Variants in UBXN7 observed in about 807,000 individuals in gnomAD.
UBXN7 encodes UBX domain protein 7.
A neutral mutation model predicts 58.0 loss-of-function variants in UBXN7; 9 were observed. The ratio of observed to expected loss-of-function variants is 0.16; its 90% CI spans 0.09 to 0.27. UBXN7 has a LOEUF of 0.27. Among genes scored for constraint, UBXN7 ranks in the 10% least tolerant of loss-of-function variants. The probability of loss-of-function intolerance (pLI) is 1.00; values close to 1 mark genes in which losing one functional copy is unlikely to be tolerated. For synonymous variants in UBXN7, 208 were observed against 205.0 expected (o/e 1.01, Z -0.12); for missense variants, 328 against 599.6 (o/e 0.55, Z 4.73).
At chr3:196,374,740 C>G (rs1025167762) in intron 5 of UBXN7, among the ~76,000 whole-genome samples, 7 of 148,614 alleles carry the variant, frequency 4.7e-5, no homozygotes, top group Non-Finnish European at 7.4e-5. Context: ...ATTAGCCAGG[C>G]ATGGTGGTGG....
Position 196,356,829 on chromosome 3 carries a change from C to T in UBXN7, c.1326G>A (p.Val442=). Residue 442 remains valine, a synonymous_variant, in exon 11 of 11, where the codon GTG becomes GTA. Transcript: ENST00000296328. The part of the protein sequence containing the change: ...QAKLLALVKH[V]QSKGYPNERF... ...GTTCATTTGGGTATCCTTTAGACTG[C>T]ACGTGCTTCACCAAAGCCTATAAAA... 1 of 1,608,568 alleles carries T rather than the reference C, an allele frequency of 6.2e-7. No individual in the cohort carries two copies. The highest frequency in any genetic ancestry group is 2.2e-5 in the East Asian group (1 of 44,822).
At chr3:196,422,158 C>G (rs1375300235) in intron 1 of UBXN7, among the ~76,000 whole-genome samples, 1 of 151,846 alleles carries the variant, frequency 6.6e-6, no homozygotes, top group Non-Finnish European at 1.5e-5. Flanking sequence ...CAAGATCACA[C>G]CACTGCACTC....
At chr3:196,386,495 G>A (rs1436420062) in intron 5 of UBXN7, among the ~76,000 whole-genome samples, 1 of 150,624 alleles carries the variant, frequency 6.6e-6, no homozygotes, top group African/African-American at 2.4e-5. Context: ...ACCTCCTTAA[G>A]CTGATAAGCA....
chr3:196,394,286 CAA>C lies in UBXN7; in HGVS notation c.290-669_290-668del, dbSNP rs34194652. ...GGGCAACAAGAGCGAAACTCCATCT[CAA>C]AAAAAAAAAAAAAAAAAGTTTACTA... On this transcript the variant is annotated intron_variant, in intron 3 of 10. Transcript: ENST00000296328. Among the ~76,000 whole-genome samples, 33 of 88,176 alleles carry C rather than the reference CAA, an allele frequency of 3.7e-4. 1 individual carries two copies. The highest frequency in any genetic ancestry group is 2.5e-3 in the Admixed American group (18 of 7,318). The allele number at this position is 88,176 out of a possible 152,430, so 57.8% of individuals were successfully genotyped here. A position where few individuals can be genotyped will look rare whatever the true frequency, so the allele number is the denominator to read the frequency against.
At chr3:196,399,453 T>A (rs1729889271) in intron 3 of UBXN7, among the ~76,000 whole-genome samples, 1 of 152,102 alleles carries the variant, frequency 6.6e-6, no homozygotes, top group Admixed American at 6.6e-5. Context: ...ATGTTTCTTT[T>A]ATAGACAGGG....
chr3:196,373,661 T>A (rs897779342), intron 5 of UBXN7, among the ~76,000 whole-genome samples: 1 of 151,980 alleles, frequency 6.6e-6, no homozygotes, highest in East Asian at 1.9e-4. Context: ...AAGGTCTACA[T>A]CATCTCACAA....
intron 1 of UBXN7, among the ~76,000 whole-genome samples, chr3:196,427,542 T>C (rs1052066968): frequency 1.6e-4 from 24 of 152,328 alleles, no homozygotes; most frequent in African/African-American, 4.6e-4. Flanking sequence ...GGTCTGAAGC[T>C]CCTGACCTCC....
chr3:196,420,530 C>CA (rs60528354), intron 1 of UBXN7, among the ~76,000 whole-genome samples: 1,444 of 127,910 alleles, frequency 0.011, 13 homozygotes, highest in African/African-American at 0.031. Flanking sequence ...GACTCCATCT[C>CA]AAAAAAAAAA....
intron 10 of UBXN7, among the ~76,000 whole-genome samples, 188 bp downstream of exon 10, chr3:196,361,656 A>G (rs1044435042): frequency 3.9e-5 from 6 of 152,216 alleles, no homozygotes; most frequent in African/African-American, 1.4e-4. Context: ...TCAGGGGATC[A>G]TTAGCACTTT....
intron 5 of UBXN7, among the ~76,000 whole-genome samples, chr3:196,387,768 G>A (rs1164827630): frequency 6.6e-6 from 1 of 152,126 alleles, no homozygotes. Context: ...AGTTAGAATG[G>A]CAATCATTAA....
rs180685317 is a variant in UBXN7, at chr3:196,399,394, T to A, written c.289+3558A>T. Among the ~76,000 whole-genome samples the A allele has an allele frequency of 1.5e-3, 232 of 152,266 alleles. 1 individual carries two copies. The highest frequency in any genetic ancestry group is 6.8e-3 in the Middle Eastern group (2 of 294). On this transcript the variant is annotated intron_variant, in intron 3 of 10. Transcript: ENST00000296328. The stretch of plus-strand genomic sequence containing the variant: ...CTCAAGCAATCCTCCCGCCTCAGCC[T>A]CCCAAAGTGTTGAGATTACAGGTGT...
At chr3:196,415,316 G>A (rs1730448104) in intron 1 of UBXN7, among the ~76,000 whole-genome samples, 1 of 151,210 alleles carries the variant, frequency 6.6e-6, no homozygotes. Context: ...ACCACTCCCA[G>A]CTAATTTTTG....
At chr3:196,369,064 T>A (rs771552302) in intron 7 of UBXN7, among the ~76,000 whole-genome samples, 18 of 152,256 alleles carry the variant, frequency 1.2e-4, no homozygotes, top group Non-Finnish European at 2.2e-4. Flanking sequence ...GACCTCATGA[T>A]CCGCCCACCT....
chr3:196,398,314 G>GT (rs1269152605), intron 3 of UBXN7, among the ~76,000 whole-genome samples: 1 of 152,090 alleles, frequency 6.6e-6, no homozygotes, highest in Non-Finnish European at 1.5e-5. Context: ...ACAAACGTTT[G>GT]TTTTTTTCAG....
chr3:196,374,429 G>C (rs1187411842), intron 5 of UBXN7, among the ~76,000 whole-genome samples: 1 of 152,078 alleles, frequency 6.6e-6, no homozygotes, highest in Non-Finnish European at 1.5e-5. Flanking sequence ...CTTTGCCTTT[G>C]TGAAGCTTCC....
chr3:196,371,759 A>T, intron 6 of UBXN7, 137 bp downstream of exon 6: 1 of 1,067,732 alleles, frequency 9.4e-7, no homozygotes, highest in Non-Finnish European at 1.3e-6. Flanking sequence ...CTGGGATTAT[A>T]GGCGTGAGCT....
intron 4 of UBXN7, among the ~76,000 whole-genome samples, chr3:196,392,885 G>A (rs1729631455): frequency 6.6e-6 from 1 of 152,144 alleles, no homozygotes; most frequent in Non-Finnish European, 1.5e-5. Flanking sequence ...GAAGGACACA[G>A]GATTCCCTAG....
intron 1 of UBXN7, among the ~76,000 whole-genome samples, chr3:196,418,541 C>T (rs1730576400): frequency 6.6e-6 from 1 of 152,024 alleles, no homozygotes; most frequent in Non-Finnish European, 1.5e-5. Flanking sequence ...ACCTATTACA[C>T]TAGAAAAAAG....
At chr3:196,383,434 T>C (rs1217185582) in intron 5 of UBXN7, among the ~76,000 whole-genome samples, 1 of 152,160 alleles carries the variant, frequency 6.6e-6, no homozygotes, top group Non-Finnish European at 1.5e-5. Context: ...AACTCAGCTC[T>C]GCAACAAGCA....
Sources: gnomAD v4.1 joint callset for allele counts (sites outside exome capture counted in the v4.1 genomes callset) on GRCh38, gnomAD v4.1.1 for gene constraint, MANE v1.5 for transcripts, NCBI Gene and HGNC (gene_info 2026-07-23, HGNC 2026-07-21) for gene names.